The following FNDC3A variants were observed in gnomAD, a reference collection of about 807,000 sequenced individuals.
FNDC3A encodes fibronectin type III domain containing 3A, also known as fibronectin type-III domain-containing protein 3A.
A neutral mutation model predicts 148.9 loss-of-function variants in FNDC3A; 32 were observed. The observed-to-expected ratio is 0.21, with a 90% CI of 0.16 to 0.29. The LOEUF (loss-of-function observed/expected upper bound fraction) is 0.29. Ranked by LOEUF, FNDC3A falls within the 10% of genes least tolerant of loss-of-function variation. The pLI, the probability that FNDC3A is intolerant of heterozygous loss-of-function variation, is 1.00. For missense variants in FNDC3A, 1,191 were observed against 1,452.8 expected, an observed-to-expected ratio of 0.82 and a Z score of 2.93; for synonymous variants, 472 against 473.6, an observed-to-expected ratio of 1.00 and a Z score of 0.04.
At chr13:49,203,731 AGAG>A (rs1886521185) in intron 25 of FNDC3A, among the ~76,000 whole-genome samples, 1 of 152,214 alleles carries the variant, frequency 6.6e-6, no homozygotes, top group Non-Finnish European at 1.5e-5. Context: ...AGCATGGCCC[AGAG>A]GAGATGACTA....
Position 49,168,709 on chromosome 13 carries a change from G to A in FNDC3A, c.1134G>A (p.Arg378=). The A allele has an allele frequency of 6.2e-7, 1 of 1,613,616 alleles. No homozygotes were observed. ...AACCTGATATACCTAATCCACCAAGGATAGCCAATCGGACCAAAAATTCAC... is the reference window on the plus strand; with the variant it reads ...AACCTGATATACCTAATCCACCAAGAATAGCCAATCGGACCAAAAATTCAC... ...SCEPDIPNPP[R]IANRTKNSLT... is the part of the protein sequence containing the mutation. The change falls in exon 10 of 26, where the codon AGG becomes AGA. Residue 378 remains arginine, a synonymous_variant. Transcript: ENST00000492622.
At position 49,197,869 on chromosome 13, in the gene FNDC3A, G is replaced by A. The variant is rs763179530; in HGVS notation, c.2485G>A (p.Val829Ile). The part of the protein sequence containing the change: ...LSPATTYYCR[V>I]QALSVVGAGP... ...ACCAGCAACTACCTATTATTGCAGG[G>A]TCCAGGTAAAGATGATCAGTACCTT... Residue 829 changes from valine to isoleucine, a missense_variant, in exon 21 of 26, where the codon GTC (valine) becomes ATC (isoleucine). Transcript: ENST00000492622. 1 of 1,599,746 alleles carries A rather than the reference G, an allele frequency of 6.3e-7. No individual in the cohort carries two copies. Among genetic ancestry groups the A allele is most frequent in the South Asian group, 1.1e-5 (1 of 88,104 alleles).
chr13:49,158,395 C>A (rs1032552435), intron 8 of FNDC3A, among the ~76,000 whole-genome samples: 1 of 152,226 alleles, frequency 6.6e-6, no homozygotes, highest in Non-Finnish European at 1.5e-5. Flanking sequence ...ACGGTACGCG[C>A]GCTCACTGAC....
intron 5 of FNDC3A, among the ~76,000 whole-genome samples, chr13:49,135,134 C>T (rs761068178): frequency 1.4e-4 from 21 of 152,036 alleles, no homozygotes; most frequent in African/African-American, 4.1e-4. Flanking sequence ...GGATTACAGG[C>T]GTGAGCCACT....
chr13:48,983,953 A>T (rs1408168774), intron 1 of FNDC3A, among the ~76,000 whole-genome samples: 1 of 152,202 alleles, frequency 6.6e-6, no homozygotes, highest in Non-Finnish European at 1.5e-5. Context: ...ACAAATACAA[A>T]TAAATATAAT....
At chr13:49,199,548 C>T (rs1235972774) in intron 23 of FNDC3A, among the ~76,000 whole-genome samples, 1 of 151,954 alleles carries the variant, frequency 6.6e-6, no homozygotes, top group African/African-American at 2.4e-5. Flanking sequence ...GGATGGTCTC[C>T]ATCTCCTGAC....
intron 1 of FNDC3A, among the ~76,000 whole-genome samples, chr13:48,994,734 G>C (rs534797724): frequency 2.6e-5 from 4 of 151,578 alleles, no homozygotes; most frequent in African/African-American, 4.9e-5. Flanking sequence ...GCCGAGATGT[G>C]CCACTGCTCT....
chr13:49,014,907 G>A (rs1181175465), intron 2 of FNDC3A, among the ~76,000 whole-genome samples: 5 of 148,772 alleles, frequency 3.4e-5, no homozygotes, highest in Admixed American at 1.3e-4. Flanking sequence ...TCAGATAGTT[G>A]TAGATATGTG....
At chr13:49,165,461 AC>A (rs1362003408) in intron 8 of FNDC3A, among the ~76,000 whole-genome samples, 1 of 152,162 alleles carries the variant, frequency 6.6e-6, no homozygotes, top group Admixed American at 6.5e-5. Context: ...TGTGATTTCC[AC>A]AGTGGCTTAG....
intron 8 of FNDC3A, among the ~76,000 whole-genome samples, chr13:49,148,214 T>C (rs754705479): frequency 5.9e-5 from 9 of 152,190 alleles, no homozygotes; most frequent in Non-Finnish European, 1.2e-4. Context: ...GCAAAAGTTT[T>C]AGTTTATTTC....
intron 5 of FNDC3A, among the ~76,000 whole-genome samples, chr13:49,132,070 A>G (rs1473264893): frequency 3.3e-5 from 5 of 152,170 alleles, no homozygotes; most frequent in East Asian, 1.9e-4. Context: ...AGTTTGCTCA[A>G]ATGAAAGCCA....
rs551768448 is a variant in FNDC3A, at chr13:49,010,018, A to T, written c.99+3729A>T. 2.6e-5 allele frequency among the ~76,000 whole-genome samples: 4 copies of T among 152,346 alleles called. No individual in the cohort carries two copies. The South Asian group carries it at 8.3e-4, about 32-fold the overall frequency. Reference sequence around the variant, plus strand: ...GGCACAAAGAGGCTAATGCCATTGAAAGAAGATTTTTATTACTTAAATTTC... The same window carrying T: ...GGCACAAAGAGGCTAATGCCATTGATAGAAGATTTTTATTACTTAAATTTC... On this transcript the variant is annotated intron_variant, in intron 2 of 25. Transcript: ENST00000492622.
At chr13:49,152,813 C>A (rs1395802963) in intron 8 of FNDC3A, among the ~76,000 whole-genome samples, 1 of 151,324 alleles carries the variant, frequency 6.6e-6, no homozygotes, top group Non-Finnish European at 1.5e-5. Context: ...ATGATGATTT[C>A]CAATTTCATC....
At position 49,158,666 on chromosome 13, in the gene FNDC3A, C is replaced by T. The variant is rs372422939; in HGVS notation, c.978-8578C>T. On this transcript the variant is annotated intron_variant, in intron 8 of 25. Transcript: ENST00000492622. ...TTTTGGCTTTTGTTGCCATTGCTTT[C>T]GGTGTTTTAGTCATGAAGTCCTTGC... is the stretch of plus-strand genomic sequence containing the variant. 1.6e-4 allele frequency among the ~76,000 whole-genome samples: 25 copies of T among 152,278 alleles called. No homozygotes were observed. The East Asian group carries it at 2.1e-3, about 13-fold the overall frequency.
chr13:48,991,459 G>T (rs1292641955), intron 1 of FNDC3A, among the ~76,000 whole-genome samples: 2 of 152,138 alleles, frequency 1.3e-5, no homozygotes, highest in East Asian at 1.9e-4. Context: ...GGCTGAGGGG[G>T]TTGAATCAGT....
At chr13:49,107,687 C>T (rs1880285426) in intron 3 of FNDC3A, among the ~76,000 whole-genome samples, 2 of 152,070 alleles carry the variant, frequency 1.3e-5, no homozygotes, top group South Asian at 4.1e-4. Context: ...AGTTCAATTT[C>T]GAGATATGGT....
chr13:49,203,002 T>C (rs978263293), intron 24 of FNDC3A, among the ~76,000 whole-genome samples, 155 bp from the exon 25 acceptor site: 6 of 152,232 alleles, frequency 3.9e-5, no homozygotes, highest in Non-Finnish European at 8.8e-5. Context: ...GATTTTAACC[T>C]CTTTGGATGC....
chr13:49,033,328 C>T (rs1274230442), intron 2 of FNDC3A, among the ~76,000 whole-genome samples: 5 of 152,010 alleles, frequency 3.3e-5, no homozygotes, highest in African/African-American at 7.3e-5. Flanking sequence ...GTAAGCCTAC[C>T]GTACATTGGA....
Position 49,136,249 on chromosome 13 carries a change from AT to A in FNDC3A, c.491-80del. ...ATTTTATAAAAGTTTTATATGATAGATTTATTTTCTGTTCTTTTTTCATGGC... is the reference window on the plus strand; with the variant it reads ...ATTTTATAAAAGTTTTATATGATAGATTATTTTCTGTTCTTTTTTCATGGC... On this transcript the variant is annotated intron_variant, in intron 5 of 25. Coordinates refer to ENST00000492622, the MANE Select transcript of FNDC3A (RefSeq NM_001079673.2). 3 of 1,186,800 alleles carry A rather than the reference AT, an allele frequency of 2.5e-6. No individual in the cohort carries two copies. The South Asian group carries it at 5.0e-5, about 20-fold the overall frequency. 73.5% of individuals were successfully genotyped at this position (1,186,800 alleles called of 1,614,324 possible).
Sources: allele counts gnomAD v4.1 joint callset (sites outside exome capture counted in the v4.1 genomes callset), GRCh38; gene constraint gnomAD v4.1.1; transcripts MANE v1.5; gene names NCBI Gene and HGNC (gene_info 2026-07-23, HGNC 2026-07-21).